Variants in ZNF577 observed in about 807,000 individuals in gnomAD.
ZNF577 encodes the protein zinc finger protein 577.
Under a neutral mutation model 13.9 loss-of-function variants are expected in ZNF577, and 14 were observed. The observed-to-expected ratio is 1.00, with a 90% CI of 0.66 to 1.57. The LOEUF is 1.57. Ranked by LOEUF, ZNF577 falls within the 40% of genes most tolerant of loss-of-function variation. The pLI, the probability that ZNF577 is intolerant of heterozygous loss-of-function variation, is 0.00. For missense variants in ZNF577, 555 were observed against 579.2 expected (o/e 0.96, Z 0.43); for synonymous variants, 203 against 202.9 (o/e 1.00, Z 0.00).
rs1599837356 is a variant in ZNF577 at position 51,815,601 on chromosome 19, C to T, written c.*600-3927G>A. On this transcript the variant is annotated intron_variant and NMD_transcript_variant, in intron 9 of 10. Transcript: ENST00000638827. ...AAAAGGTAGACACCAGGCACGGTGG[C>T]TCACACTTGTCATCCCAGCACTTTG... 3.3e-5 allele frequency among the ~76,000 whole-genome samples: 5 copies of T among 150,926 alleles called. No homozygotes were observed. The South Asian group carries it at 1.0e-3, about 32-fold the overall frequency.
chr19:51,809,097 T>C (rs1439381360), intron 10 of ZNF577, among the ~76,000 whole-genome samples: 3 of 152,280 alleles, frequency 2.0e-5, no homozygotes, highest in East Asian at 3.8e-4. Flanking sequence ...TCCCCTCTGA[T>C]ATCTCATGTT....
intron 2 of ZNF577, 72 bp from the exon 3 acceptor site, chr19:51,880,473 T>C (rs562741545): frequency 1.5e-6 from 2 of 1,359,554 alleles, no homozygotes; most frequent in Non-Finnish European, 2.1e-6. Context: ...TTAGCTATGT[T>C]CCGACATTAA....
intron 10 of ZNF577, among the ~76,000 whole-genome samples, chr19:51,807,760 C>T (rs1441851819): frequency 1.3e-5 from 2 of 152,198 alleles, no homozygotes; most frequent in East Asian, 3.8e-4. Context: ...ATGAAGTCTG[C>T]GAAAGCAGTT....
At chr19:51,852,040 TGAAA>T (rs1465988708) in intron 5 of ZNF577, among the ~76,000 whole-genome samples, 2 of 152,198 alleles carry the variant, frequency 1.3e-5, no homozygotes, top group African/African-American at 4.8e-5. Context: ...CCTGCTGCCA[TGAAA>T]GTATAAGGCT....
intron 9 of ZNF577, among the ~76,000 whole-genome samples, chr19:51,837,622 CTT>C (rs2084295342): frequency 6.6e-6 from 1 of 152,232 alleles, no homozygotes; most frequent in Non-Finnish European, 1.5e-5. Context: ...AAAACTATCT[CTT>C]ATATAATTCC....
chr19:51,865,444 G>A (rs1018639983), downstream of ZNF577, among the ~76,000 whole-genome samples: 1 of 152,126 alleles, frequency 6.6e-6, no homozygotes, highest in African/African-American at 2.4e-5. Context: ...CCACTGTGGT[G>A]AGCACTCCCA....
chr19:51,873,147 C>G lies in ZNF577; in HGVS notation c.843G>C (p.Gln281His). The change falls in exon 6 of 6, where the codon CAG (glutamine) becomes CAC (histidine). Residue 281 changes from glutamine (Q) to histidine (H), a missense_variant. Physicochemically the swap from Gln to His is conservative, Grantham distance 24. Transcript: ENST00000638348. ...TCTGGTGTGCAGTGAGGTATGCCTT[C>G]TGAGAAAAGGCTTTCCCACACACAC... ...GCSVCGKAFS[Q>H]KAYLTAHQRL... 6.2e-7 allele frequency: 1 copy of G among 1,614,168 alleles called. No homozygotes were observed.
chr19:51,855,367 CTGTGTGTGTGTGTGTGTGTGTG>C (rs55937420), intron 5 of ZNF577, among the ~76,000 whole-genome samples: 11 of 143,560 alleles, frequency 7.7e-5, no homozygotes, highest in Middle Eastern at 3.5e-3. Context: ...GCTGAGGGTG[CTGTGTGTGTGTGTGTGTGTGTG>C]TGTGTGTGTG....
At chr19:51,831,210 G>A (rs1399679414) in intron 9 of ZNF577, among the ~76,000 whole-genome samples, 1 of 152,092 alleles carries the variant, frequency 6.6e-6, no homozygotes, top group Admixed American at 6.6e-5. Flanking sequence ...CTGCCTCCAA[G>A]GTTCAAGCAA....
chr19:51,881,086 A>G (rs1172424048), intron 1 of ZNF577, among the ~76,000 whole-genome samples: 1 of 152,230 alleles, frequency 6.6e-6, no homozygotes, highest in African/African-American at 2.4e-5. Context: ...TATGTCAGAA[A>G]TAGAGTGGAT....
intron 5 of ZNF577, among the ~76,000 whole-genome samples, chr19:51,857,763 TAC>T (rs145704523): frequency 0.057 from 8,665 of 151,412 alleles, 766 homozygotes; most frequent in African/African-American, 0.2. Flanking sequence ...TCTGTACACA[TAC>T]ACACACACAC....
chr19:51,856,751 CGG>C (rs1400220705), intron 5 of ZNF577, among the ~76,000 whole-genome samples: 1 of 151,856 alleles, frequency 6.6e-6, no homozygotes, highest in Admixed American at 6.6e-5. Context: ...ACATCAAGAT[CGG>C]GGGGCTGAGG....
chr19:51,822,152 G>C (rs919772054), intron 9 of ZNF577, among the ~76,000 whole-genome samples: 25 of 152,172 alleles, frequency 1.6e-4, no homozygotes, highest in Non-Finnish European at 3.2e-4. Flanking sequence ...ATGTGACCTG[G>C]TGCAGAGGCA....
chr19:51,878,516 C>T lies in ZNF577; in HGVS notation c.61-1G>A, dbSNP rs2084805466. The T allele has an allele frequency of 6.2e-7, 1 of 1,613,864 alleles. No homozygotes were observed. The highest frequency in any genetic ancestry group is 1.3e-5 in the African/African-American group (1 of 75,034). Reference sequence around the variant, plus strand: ...CCACATCTTCGAATGACAATGACCCCTATAATAACAATTCCAATGCAATCT... The same window carrying T: ...CCACATCTTCGAATGACAATGACCCTTATAATAACAATTCCAATGCAATCT... On this transcript the variant is annotated splice_acceptor_variant, in intron 3 of 5. Coordinates refer to ENST00000638348, the MANE Select transcript of ZNF577 (RefSeq NM_001370449.1). LOFTEE classifies it high-confidence loss of function.
At position 51,873,226 on chromosome 19, in the gene ZNF577, C is replaced by G. The variant is rs779946136; in HGVS notation, c.764G>C (p.Cys255Ser). ...TGATCGCTGATGTCTATTGAGCCGGCACTTCCGGCTGAAGGCTTTTCCGCA... is the reference window on the plus strand; with the variant it reads ...TGATCGCTGATGTCTATTGAGCCGGGACTTCCGGCTGAAGGCTTTTCCGCA... ...SKCGKAFSRK[C>S]RLNRHQRSHT... The change falls in exon 6 of 6, where the codon TGC (cysteine) becomes TCC (serine). Residue 255 changes from cysteine (C) to serine (S), a missense_variant. By Grantham distance (112) the Cys-to-Ser change is moderately radical (BLOSUM62 -1). Coordinates refer to ENST00000638348, the MANE Select transcript of ZNF577 (RefSeq NM_001370449.1). 6.2e-7 allele frequency: 1 copy of G among 1,613,898 alleles called. No individual in the cohort carries two copies. The highest frequency in any genetic ancestry group is 8.5e-7 in the Non-Finnish European group (1 of 1,179,800).
rs779342164 is a variant in ZNF577 at position 51,824,116 on chromosome 19, G to A, written c.*600-12442C>T. 72 of 1,613,714 alleles carry A rather than the reference G, an allele frequency of 4.5e-5. No homozygotes were observed. The Middle Eastern group carries it at 1.2e-3, about 26-fold the overall frequency. On this transcript the variant is annotated intron_variant and NMD_transcript_variant, in intron 9 of 10. Coordinates refer to the ZNF577 transcript ENST00000638827. This position sits in a 1 kb window ranked among gnomAD's most constrained non-coding sequence, Gnocchi z 4.7. ...CTGATCACCATCATTGCTCTGGACC[G>A]CTGTATTTGTGTCCTGCATCCAGCC...
At chr19:51,855,367 C>CTG (rs55937420) in intron 5 of ZNF577, among the ~76,000 whole-genome samples, 11,131 of 143,290 alleles carry the variant, frequency 0.078, 441 homozygotes, top group African/African-American at 0.1. Context: ...GCTGAGGGTG[C>CTG]TGTGTGTGTG....
At position 51,869,101 on chromosome 19, in the gene ZNF577, C is replaced by T. The variant is rs1031777090; in HGVS notation, c.*3431G>A. Among the ~76,000 whole-genome samples, 5 of 152,112 alleles carry T rather than the reference C, an allele frequency of 3.3e-5. No individual in the cohort carries two copies. The highest frequency in any genetic ancestry group is 1.2e-4 in the African/African-American group (5 of 41,408). ...ATATGGCCTCGTGGGAAGGGAAAGA[C>T]CTGACCGTCCCCAAGCCCGATACCC... On this transcript the variant is annotated 3_prime_UTR_variant, in exon 6 of 6. Coordinates refer to ENST00000638348, the MANE Select transcript of ZNF577 (RefSeq NM_001370449.1).
chr19:51,870,868 A>G lies in ZNF577; in HGVS notation c.*1664T>C, dbSNP rs1429611282. ...CTGGGGCAATCATAAGGCTCATCTC[A>G]TTGTTTCCTTTCTGTCATGGAAAGC... On this transcript the variant is annotated 3_prime_UTR_variant, in exon 6 of 6. Coordinates refer to ENST00000638348, the MANE Select transcript of ZNF577 (RefSeq NM_001370449.1). 2.0e-5 allele frequency among the ~76,000 whole-genome samples: 3 copies of G among 152,126 alleles called. No individual in the cohort carries two copies. Among genetic ancestry groups the G allele is most frequent in the African/African-American group, 7.2e-5 (3 of 41,412 alleles).
Sources: gnomAD v4.1 joint callset for allele counts (sites outside exome capture counted in the v4.1 genomes callset) on GRCh38, gnomAD v4.1.1 for gene constraint, Gnocchi (gnomAD v3.1) non-coding constraint, MANE v1.5 for transcripts, NCBI Gene and HGNC (gene_info 2026-07-23, HGNC 2026-07-21) for gene names.